Variants in RIF1 observed in about 807,000 individuals in gnomAD.
The protein encoded by RIF1 is telomere-associated protein RIF1.
Under a neutral mutation model 247.1 loss-of-function variants are expected in RIF1, and 45 were observed. The observed-to-expected ratio is 0.18, with a 90% CI of 0.14 to 0.23. The LOEUF (loss-of-function observed/expected upper bound fraction) is 0.23, where lower values mean the gene tolerates loss of function less well. Among genes scored for constraint, RIF1 ranks in the 10% least tolerant of loss-of-function variants. RIF1 has a pLI of 1.00. For synonymous variants in RIF1, 1,087 were observed against 978.8 expected (o/e 1.11, Z -2.06); for missense variants, 2,967 against 2,862.5 (o/e 1.04, Z -0.83).
intron 11 of RIF1, among the ~76,000 whole-genome samples, chr2:151,435,805 G>A (rs185867538): frequency 6.8e-4 from 102 of 150,768 alleles, no homozygotes; most frequent in African/African-American, 2.3e-3. Flanking sequence ...TGTTGTAAGC[G>A]CATTGTTGTG....
chr2:151,512,482 C>T (rs1292491739), downstream of RIF1, among the ~76,000 whole-genome samples: 1 of 152,104 alleles, frequency 6.6e-6, no homozygotes, highest in African/African-American at 2.4e-5. Context: ...ACCACCACAC[C>T]TGGCCAATTT....
In RIF1 at chr2:151,474,068, C is replaced by T. The variant is rs1429799270; in HGVS notation, c.7200C>T (p.Val2400=). Residue 2400 remains valine, a synonymous_variant, in exon 35 of 36, where the codon GTC becomes GTT. Transcript: ENST00000444746. ...KSLSPDEERL[V]SDIIDPVALE... ...TGTCACCTGATGAAGAAAGACTTGT[C>T]TCAGGTATATTTTAGCAAAAGTGGG... 3 of 1,434,308 alleles carry T rather than the reference C, an allele frequency of 2.1e-6. No individual in the cohort carries two copies. The highest frequency in any genetic ancestry group is 2.9e-6 in the Non-Finnish European group (3 of 1,026,170). 88.8% of individuals were successfully genotyped at this position (1,434,308 alleles called of 1,614,324 possible).
rs762529760 is a variant in RIF1, at chr2:151,468,106, T to C, written c.6707T>C (p.Ile2236Thr). The C allele has an allele frequency of 6.2e-6, 10 of 1,613,490 alleles. No individual in the cohort carries two copies. The South Asian group carries it at 8.8e-5, about 14-fold the overall frequency. Residue 2236 changes from isoleucine (I) to threonine (T), a missense_variant, in exon 31 of 36, where the codon ATA becomes ACA. Ile to Thr is a moderately conservative substitution (Grantham distance 89, BLOSUM62 -1). Transcript: ENST00000444746. ...VRSHSSNSSPIGKSVKTSPTT... is the reference protein window; with the variant it reads ...VRSHSSNSSPTGKSVKTSPTT... The stretch of plus-strand genomic sequence containing the variant: ...TCCCATTCTTCCAATAGTTCTCCCA[T>C]AGGAAAAAGTGTTAAAACTTCTCCT...
the RIF1 span, chr2:151,529,321 G>A: frequency 8.3e-6 from 13 of 1,567,224 alleles, no homozygotes; most frequent in East Asian, 4.5e-5. Context: ...TCAGCTGTGG[G>A]AGGAAACACA....
Position 151,445,375 on chromosome 2 carries a change from A to G in RIF1, c.2024A>G (p.Asn675Ser). 1.2e-6 allele frequency: 2 copies of G among 1,610,250 alleles called. No individual in the cohort carries two copies. The highest frequency in any genetic ancestry group is 2.2e-5 in the East Asian group (1 of 44,816). Residue 675 changes from asparagine (N) to serine (S), a missense_variant, in exon 19 of 36, where the codon AAT becomes AGT. By Grantham distance (46) the Asn-to-Ser change is conservative. Around this residue, in one of 7 missense-constraint regions of RIF1, gnomAD observed 76 missense variants for 113.3 expected, o/e 0.67. Coordinates refer to ENST00000444746, the MANE Select transcript of RIF1 (RefSeq NM_018151.5). ...EVNQGDALEH[N>S]FSAIYGALTL... is the part of the protein sequence containing the mutation. Reference sequence around the variant, plus strand: ...AATCAAGGTGATGCCTTAGAACATAATTTTAGTGCCATCTATGGTGCATTG... The same window carrying G: ...AATCAAGGTGATGCCTTAGAACATAGTTTTAGTGCCATCTATGGTGCATTG...
the RIF1 span, chr2:151,518,821 T>C: frequency 5.8e-4 from 352 of 611,942 alleles, 2 homozygotes; most frequent in South Asian, 7.2e-3. Flanking sequence ...AATGTTGTCA[T>C]TTGGAAGAAT....
Position 151,468,762 on chromosome 2 carries a change from T to C in RIF1, c.6941+6T>C. On this transcript the variant is annotated splice_donor_region_variant and intron_variant, in intron 33 of 35. Coordinates refer to ENST00000444746, the MANE Select transcript of RIF1 (RefSeq NM_018151.5). The stretch of plus-strand genomic sequence containing the variant: ...CAGATTACATCAAACATGTGGTAAG[T>C]GGTTATTTAGGCTTCTTGCTTATAT... 6.3e-7 allele frequency: 1 copy of C among 1,589,694 alleles called. No individual in the cohort carries two copies. Among genetic ancestry groups the C allele is most frequent in the Non-Finnish European group, 8.6e-7 (1 of 1,157,772 alleles).
chr2:151,512,187 C>T (rs1182642762), downstream of RIF1, among the ~76,000 whole-genome samples: 1 of 151,790 alleles, frequency 6.6e-6, no homozygotes, highest in African/African-American at 2.4e-5. Flanking sequence ...CCTGCCACCA[C>T]GCCCGGCTAA....
In RIF1 at chr2:151,463,029, A is replaced by C; in HGVS notation, c.3509A>C (p.Asn1170Thr). 1 of 1,613,946 alleles carries C rather than the reference A, an allele frequency of 6.2e-7. No homozygotes were observed. The highest frequency in any genetic ancestry group is 8.5e-7 in the Non-Finnish European group (1 of 1,179,826). Residue 1170 changes from asparagine (N) to threonine (T), a missense_variant, in exon 30 of 36, where the codon AAT becomes ACT. By Grantham distance (65) the Asn-to-Thr change is moderately conservative. Around this residue, in one of 7 missense-constraint regions of RIF1, gnomAD observed 2,028 missense variants for 1,825.6 expected, o/e 1.11. Coordinates refer to ENST00000444746, the MANE Select transcript of RIF1 (RefSeq NM_018151.5). Reference protein sequence around the residue: ...KTSPEMSNSNNDERKKALISS... With the variant: ...KTSPEMSNSNTDERKKALISS... Reference sequence around the variant, plus strand: ...AGTCCAGAAATGTCAAACAGTAATAATGATGAAAGAAAAAAAGCTTTAATT... The same window carrying C: ...AGTCCAGAAATGTCAAACAGTAATACTGATGAAAGAAAAAAAGCTTTAATT...
chr2:151,507,765 A>T, exon 14 of RIF1: 1 of 457,482 alleles, frequency 2.2e-6, no homozygotes, highest in Non-Finnish European at 3.9e-6. Context: ...GGTGAGGAAA[A>T]GATACTATAT....
intron 34 of RIF1, among the ~76,000 whole-genome samples, chr2:151,471,861 T>C (rs1009713542): frequency 5.3e-5 from 8 of 152,212 alleles, no homozygotes; most frequent in African/African-American, 1.9e-4. Context: ...GGGCTCTTTT[T>C]TCGTTGCATA....
At chr2:151,427,324 T>C (rs1444207171) in intron 8 of RIF1, among the ~76,000 whole-genome samples, 2 of 151,316 alleles carry the variant, frequency 1.3e-5, no homozygotes, top group African/African-American at 4.9e-5. Flanking sequence ...GATTCTCCTG[T>C]CTCAGCCTCC....
intron 8 of RIF1, among the ~76,000 whole-genome samples, chr2:151,428,228 CA>C (rs1260616098): frequency 6.6e-6 from 1 of 151,386 alleles, no homozygotes; most frequent in Non-Finnish European, 1.5e-5. Flanking sequence ...GATTCCCTCT[CA>C]AAAAAAAGAA....
rs1037989956 is a variant in RIF1 at position 151,475,938 on chromosome 2, T to C, written c.*867T>C. 6.6e-6 allele frequency: 1 copy of C among 152,640 alleles called. No individual in the cohort carries two copies. Among genetic ancestry groups the C allele is most frequent in the African/African-American group, 2.4e-5 (1 of 41,464 alleles). 9.5% of individuals were successfully genotyped at this position (152,640 alleles called of 1,614,324 possible). A position where few individuals can be genotyped will look rare whatever the true frequency, so the allele number is the denominator to read the frequency against. On this transcript the variant is annotated 3_prime_UTR_variant, in exon 36 of 36. Coordinates refer to ENST00000444746, the MANE Select transcript of RIF1 (RefSeq NM_018151.5). ...CGGTGGAAGTGCTTCATGGGCTTGC[T>C]GCACATATTTGTAGGATACTGTATC...
intron 21 of RIF1, among the ~76,000 whole-genome samples, chr2:151,452,266 C>G (rs539806029): frequency 6.6e-5 from 10 of 152,130 alleles, no homozygotes; most frequent in Middle Eastern, 3.4e-3. Flanking sequence ...AACCATATGC[C>G]TTGGTTAGTT....
At chr2:151,488,818 CT>C (rs753834454) in intron 9 of RIF1, among the ~76,000 whole-genome samples, 3 of 152,078 alleles carry the variant, frequency 2.0e-5, no homozygotes, top group African/African-American at 7.2e-5. Context: ...TAACTTACCC[CT>C]TTCTTGCTGA....
chr2:151,523,298 G>C, the RIF1 span, among the ~76,000 whole-genome samples: 1 of 152,018 alleles, frequency 6.6e-6, no homozygotes, highest in East Asian at 1.9e-4. Context: ...AATAATATTT[G>C]CTTTTCATCA....
In RIF1 at chr2:151,468,754, G is replaced by T; in HGVS notation, c.6939G>T (p.Met2313Ile). The T allele has an allele frequency of 6.2e-7, 1 of 1,600,644 alleles. No individual in the cohort carries two copies. Among genetic ancestry groups the T allele is most frequent in the South Asian group, 1.1e-5 (1 of 90,768 alleles). ...TTTTACCTCAGATTACATCAAACAT[G>T]TGGTAAGTGGTTATTTAGGCTTCTT... ...DIILPQITSN[M>I]WARGLGQLIR... Residue 2313 changes from methionine (M) to isoleucine (I), a missense_variant and splice_region_variant, in exon 33 of 36, where the codon ATG (methionine) becomes ATT (isoleucine). Around this residue, in one of 7 missense-constraint regions of RIF1, gnomAD observed 2,028 missense variants for 1,825.6 expected, o/e 1.11. Coordinates refer to ENST00000444746, the MANE Select transcript of RIF1 (RefSeq NM_018151.5).
chr2:151,454,684 G>A (rs938559092), intron 21 of RIF1, among the ~76,000 whole-genome samples: 1 of 151,942 alleles, frequency 6.6e-6, no homozygotes, highest in Non-Finnish European at 1.5e-5. Flanking sequence ...AGTAGTTTTC[G>A]TCTCCCATTC....
Sources: gnomAD v4.1 joint callset for allele counts (sites outside exome capture counted in the v4.1 genomes callset) on GRCh38, gnomAD v4.1.1 for gene constraint, gnomAD v4.1.1 regional missense constraint, MANE v1.5 for transcripts, NCBI Gene and HGNC (gene_info 2026-07-23, HGNC 2026-07-21) for gene names.